Variants in CDH13 observed in about 807,000 individuals in gnomAD.
CDH13 encodes cadherin-13.
CDH13 carries 24 observed loss-of-function variants against 63.8 expected under a neutral mutation model. The observed-to-expected ratio is 0.38, with a 90% CI of 0.27 to 0.53. The LOEUF (loss-of-function observed/expected upper bound fraction) is 0.53, where lower values mean the gene tolerates loss of function less well. CDH13 is among the 20% of genes least tolerant of loss of function. The pLI is 0.85. For missense variants in CDH13, 1,049 were observed against 903.1 expected, an observed-to-expected ratio of 1.16 and a Z score of -2.07; for synonymous variants, 503 against 355.3, an observed-to-expected ratio of 1.42 and a Z score of -4.67.
At position 83,125,496 on chromosome 16, in the gene CDH13, G is replaced by C; in HGVS notation, c.478G>C (p.Gly160Arg). The C allele has an allele frequency of 6.4e-7, 1 of 1,558,030 alleles. No individual in the cohort carries two copies. The highest frequency in any genetic ancestry group is 8.9e-7 in the Non-Finnish European group (1 of 1,129,394). ...NQRQPFPRDV[G>R]KVVDSDRPER... ...GAGACAGCCTTTCCCAAGAGATGTTGGCAAGGTAAGTCAGACAAACAGCAA... is the reference window on the plus strand; with the variant it reads ...GAGACAGCCTTTCCCAAGAGATGTTCGCAAGGTAAGTCAGACAAACAGCAA... The change falls in exon 4 of 14, where the codon GGC becomes CGC. Residue 160 changes from glycine (G) to arginine (R), a missense_variant. Coordinates refer to ENST00000567109, the MANE Select transcript of CDH13 (RefSeq NM_001257.5).
intron 1 of CDH13, among the ~76,000 whole-genome samples, chr16:82,779,964 C>CT (rs2035674742): frequency 6.6e-6 from 1 of 152,166 alleles, no homozygotes; most frequent in South Asian, 2.1e-4. Context: ...CTTACCTTGA[C>CT]AGGCGCACTT....
At chr16:82,652,605 A>T (rs1323657346) in intron 1 of CDH13, among the ~76,000 whole-genome samples, 1 of 151,004 alleles carries the variant, frequency 6.6e-6, no homozygotes. Flanking sequence ...TTGGAAAATG[A>T]ACCAATCTAG....
At chr16:82,712,777 C>G (rs1447490405) in intron 1 of CDH13, among the ~76,000 whole-genome samples, 2 of 152,142 alleles carry the variant, frequency 1.3e-5, no homozygotes, top group East Asian at 1.9e-4. Context: ...CCTCCCAGTT[C>G]CAAGTTTGCC....
At chr16:83,342,606 T>C (rs1213697484) in intron 5 of CDH13, among the ~76,000 whole-genome samples, 1 of 152,202 alleles carries the variant, frequency 6.6e-6, no homozygotes, top group Admixed American at 6.5e-5. Context: ...CTCCACATTC[T>C]GTATTCATCC....
intron 5 of CDH13, among the ~76,000 whole-genome samples, chr16:83,250,674 G>A (rs1905418356): frequency 6.6e-6 from 1 of 152,136 alleles, no homozygotes; most frequent in African/African-American, 2.4e-5. Context: ...AGGGAGATAG[G>A]ATTGTTTAGT....
intron 5 of CDH13, among the ~76,000 whole-genome samples, chr16:83,312,620 A>G (rs1312646322): frequency 6.6e-6 from 1 of 152,172 alleles, no homozygotes; most frequent in South Asian, 2.1e-4. Context: ...TGCCAGGTCT[A>G]CAGGGAAACA....
At chr16:83,060,294 A>G (rs2031407656) in intron 3 of CDH13, among the ~76,000 whole-genome samples, 1 of 152,242 alleles carries the variant, frequency 6.6e-6, no homozygotes, top group South Asian at 2.1e-4. Flanking sequence ...CCAGAGAGTC[A>G]GTCCAGCTGA....
At chr16:82,780,017 A>G (rs1280851041) in intron 1 of CDH13, among the ~76,000 whole-genome samples, 1 of 152,110 alleles carries the variant, frequency 6.6e-6, no homozygotes, top group Non-Finnish European at 1.5e-5. Flanking sequence ...GAGCAAATCC[A>G]TTTTGCCCAT....
chr16:82,961,814 T>C (rs534296534), intron 2 of CDH13, among the ~76,000 whole-genome samples: 1 of 152,324 alleles, frequency 6.6e-6, no homozygotes, highest in Non-Finnish European at 1.5e-5. Context: ...CTGGAGACTT[T>C]TGGTTGTCAC....
intron 5 of CDH13, among the ~76,000 whole-genome samples, chr16:83,252,388 C>G (rs1236524668): frequency 1.3e-5 from 2 of 151,624 alleles, no homozygotes; most frequent in Non-Finnish European, 1.5e-5. Flanking sequence ...ATGGCCATAA[C>G]TTCCTAATGA....
intron 3 of CDH13, among the ~76,000 whole-genome samples, chr16:83,102,948 C>CTTTTTTTTTTT (rs71148813): frequency 7.2e-5 from 5 of 69,028 alleles, no homozygotes; most frequent in African/African-American, 2.1e-4. Flanking sequence ...TTTTCTTTTT[C>CTTTTTTTTTTT]TTTTTTTTTT....
At chr16:82,661,331 T>C (rs549282248) in intron 1 of CDH13, among the ~76,000 whole-genome samples, 1 of 152,352 alleles carries the variant, frequency 6.6e-6, no homozygotes, top group Admixed American at 6.5e-5. Context: ...ATGCTTTTCC[T>C]AGGGATGGGG....
intron 2 of CDH13, among the ~76,000 whole-genome samples, chr16:83,008,093 G>C (rs1913733808): frequency 2.0e-5 from 3 of 152,056 alleles, no homozygotes; most frequent in African/African-American, 7.2e-5. Flanking sequence ...TGTTTAGAGA[G>C]CTACCATGTA....
intron 6 of CDH13, among the ~76,000 whole-genome samples, chr16:83,450,413 G>A (rs1294274159): frequency 1.3e-5 from 2 of 152,160 alleles, no homozygotes; most frequent in African/African-American, 4.8e-5. Context: ...GGTGTTGTGG[G>A]GGACAATTTT....
At chr16:83,632,591 C>T (rs539211680) in intron 8 of CDH13, among the ~76,000 whole-genome samples, 3 of 151,126 alleles carry the variant, frequency 2.0e-5, no homozygotes, top group East Asian at 2.0e-4. Flanking sequence ...AAGTGCCCCA[C>T]GGAGTAGTGA....
intron 4 of CDH13, among the ~76,000 whole-genome samples, chr16:83,195,887 A>C (rs2038864554): frequency 6.6e-6 from 1 of 152,224 alleles, no homozygotes; most frequent in South Asian, 2.1e-4. Flanking sequence ...TCCTTCAGCA[A>C]ATGATGCTGG....
chr16:83,665,783 C>T (rs1191808759), intron 8 of CDH13, among the ~76,000 whole-genome samples: 2 of 152,126 alleles, frequency 1.3e-5, no homozygotes, highest in African/African-American at 4.8e-5. Context: ...TCTTTCCAGC[C>T]TTCTGATCAT....
intron 8 of CDH13, among the ~76,000 whole-genome samples, chr16:83,647,634 G>A (rs571549735): frequency 6.6e-5 from 10 of 152,342 alleles, no homozygotes; most frequent in Non-Finnish European, 1.0e-4. Flanking sequence ...GTTTTTGACA[G>A]AGAAGGAAAA....
intron 1 of CDH13, among the ~76,000 whole-genome samples, chr16:82,681,004 A>G (rs1914481841): frequency 1.3e-5 from 2 of 152,256 alleles, no homozygotes; most frequent in Admixed American, 1.3e-4. Flanking sequence ...GACTGCCTAC[A>G]AAGGCCAGTG....
Sources: gnomAD v4.1 joint callset for allele counts (sites outside exome capture counted in the v4.1 genomes callset) on GRCh38, gnomAD v4.1.1 for gene constraint, MANE v1.5 for transcripts, NCBI Gene and HGNC (gene_info 2026-07-23, HGNC 2026-07-21) for gene names.